The following CEP128 variants were observed in gnomAD, a reference collection of about 807,000 sequenced individuals.
CEP128 encodes the protein centrosomal protein 128kDa.
A neutral mutation model predicts 156.7 loss-of-function variants in CEP128; 132 were observed. The ratio of observed to expected loss-of-function variants is 0.84; its 90% CI spans 0.73 to 0.97. CEP128 has a LOEUF of 0.97. Among genes scored for constraint, CEP128 ranks in the 50% least tolerant of loss-of-function variants. The pLI is 0.00. For missense variants in CEP128, 1,252 were observed against 1,281.9 expected (o/e 0.98, Z 0.36); for synonymous variants, 469 against 448.9 (o/e 1.04, Z -0.57).
chr14:80,538,551 G>A (rs1889590918), intron 21 of CEP128, among the ~76,000 whole-genome samples: 1 of 152,032 alleles, frequency 6.6e-6, no homozygotes, highest in Non-Finnish European at 1.5e-5. Context: ...TTAACATTAT[G>A]TTTTATATTT....
intron 19 of CEP128, among the ~76,000 whole-genome samples, chr14:80,730,980 A>G (rs373421775): frequency 1.3e-5 from 2 of 152,216 alleles, no homozygotes; most frequent in Non-Finnish European, 2.9e-5. Context: ...TACAGCTATC[A>G]CAACAAAGGA....
chr14:80,683,342 T>C (rs1462510420), intron 19 of CEP128, among the ~76,000 whole-genome samples: 1 of 152,108 alleles, frequency 6.6e-6, no homozygotes, highest in African/African-American at 2.4e-5. Context: ...TGAAAGAGAC[T>C]TTAAACCAAC....
chr14:80,950,603 G>T (rs1446431879), intron 2 of CEP128, among the ~76,000 whole-genome samples: 1 of 152,014 alleles, frequency 6.6e-6, no homozygotes, highest in African/African-American at 2.4e-5. Flanking sequence ...AAGACAAAAA[G>T]AAAAATAATT....
chr14:80,629,921 A>G (rs1893894713), intron 19 of CEP128, among the ~76,000 whole-genome samples: 2 of 152,022 alleles, frequency 1.3e-5, no homozygotes, highest in South Asian at 2.1e-4. Flanking sequence ...TTGAATGTAT[A>G]TAAGTCATGT....
At chr14:80,857,215 C>CT (rs34279371) in intron 9 of CEP128, among the ~76,000 whole-genome samples, 1,639 of 137,356 alleles carry the variant, frequency 0.012, 15 homozygotes, top group South Asian at 0.019. Context: ...GTGGTTTTGG[C>CT]TTTTTTTTTT....
chr14:80,715,464 A>C (rs988318094), intron 19 of CEP128, among the ~76,000 whole-genome samples: 1 of 152,160 alleles, frequency 6.6e-6, no homozygotes, highest in Admixed American at 6.6e-5. Flanking sequence ...TATGCAATTA[A>C]AATTTTTAAG....
downstream of CEP128, among the ~76,000 whole-genome samples, chr14:80,488,412 T>C (rs148603955): frequency 7.3e-3 from 1,105 of 150,880 alleles, 4 homozygotes; most frequent in Admixed American, 0.012. Context: ...ATCAGAGAAT[T>C]GCAAATCAAA....
chr14:80,680,788 G>A (rs1595206187), intron 19 of CEP128, among the ~76,000 whole-genome samples: 1 of 152,262 alleles, frequency 6.6e-6, no homozygotes, highest in South Asian at 2.1e-4. Context: ...CTAGTTGCTT[G>A]GTGACCAGAC....
chr14:80,710,096 C>G lies in CEP128; in HGVS notation c.2806+32979G>C, dbSNP rs563378800. The stretch of plus-strand genomic sequence containing the variant: ...GAGGATACAAACAGATATTCTATAC[C>G]TACAACTATTTGCAAAATACTGCTA... On this transcript the variant is annotated intron_variant, in intron 19 of 24. Transcript: ENST00000555265. Among the ~76,000 whole-genome samples the G allele has an allele frequency of 7.9e-5, 12 of 151,878 alleles. No homozygotes were observed. The East Asian group carries it at 2.3e-3, about 29-fold the overall frequency.
chr14:80,522,259 AGC>A, intron 23 of CEP128, among the ~76,000 whole-genome samples: 1 of 152,374 alleles, frequency 6.6e-6, no homozygotes, highest in Middle Eastern at 3.4e-3. Flanking sequence ...GTACAGAAAT[AGC>A]TGACTTGAAC....
At chr14:80,665,482 A>G (rs1595176581) in intron 19 of CEP128, among the ~76,000 whole-genome samples, 1 of 152,166 alleles carries the variant, frequency 6.6e-6, no homozygotes, top group African/African-American at 2.4e-5. Context: ...CTTGTGATAG[A>G]GGTACAATCA....
intron 16 of CEP128, among the ~76,000 whole-genome samples, chr14:80,773,390 A>G (rs1329806444): frequency 6.6e-6 from 1 of 152,142 alleles, no homozygotes; most frequent in Admixed American, 6.5e-5. Context: ...CATTTATAAA[A>G]CATAAGGATG....
chr14:80,913,446 A>G (rs1480041397), intron 4 of CEP128, among the ~76,000 whole-genome samples: 1 of 152,256 alleles, frequency 6.6e-6, no homozygotes, highest in African/African-American at 2.4e-5. Flanking sequence ...AATCGCACAT[A>G]TGCTTGTAAA....
intron 19 of CEP128, 32 bp downstream of exon 19, chr14:80,743,043 C>A: frequency 6.3e-7 from 1 of 1,597,320 alleles, no homozygotes; most frequent in Non-Finnish European, 8.6e-7. Context: ...TAAATATAAA[C>A]AAAGAAAAAT....
At chr14:80,796,930 GCTCT>G (rs1883520382) in intron 13 of CEP128, among the ~76,000 whole-genome samples, 1 of 152,166 alleles carries the variant, frequency 6.6e-6, no homozygotes, top group African/African-American at 2.4e-5. Context: ...CAGGAAAGTG[GCTCT>G]CTGATGAGGG....
At chr14:80,743,911 G>A (rs553954880) in intron 18 of CEP128, among the ~76,000 whole-genome samples, 31 of 142,886 alleles carry the variant, frequency 2.2e-4, no homozygotes, top group South Asian at 8.8e-4. Flanking sequence ...TCACTCTGTC[G>A]CCCGGGATAG....
chr14:80,571,057 G>A (rs1219265871), intron 20 of CEP128, among the ~76,000 whole-genome samples: 1 of 152,158 alleles, frequency 6.6e-6, no homozygotes, highest in Non-Finnish European at 1.5e-5. Flanking sequence ...CAGGACAGCT[G>A]AAGCACATGG....
At chr14:80,768,358 C>T (rs1900346715) in intron 16 of CEP128, among the ~76,000 whole-genome samples, 1 of 152,110 alleles carries the variant, frequency 6.6e-6, no homozygotes, top group African/African-American at 2.4e-5. Flanking sequence ...TCAATAAGAT[C>T]AGCTGATGAA....
rs1454069959 is a variant in CEP128 at position 80,792,964 on chromosome 14, C to T, written c.1356G>A (p.Glu452=). 1 of 1,614,188 alleles carries T rather than the reference C, an allele frequency of 6.2e-7. No homozygotes were observed. The highest frequency in any genetic ancestry group is 8.5e-7 in the Non-Finnish European group (1 of 1,180,036). The change falls in exon 14 of 25, where the codon GAG becomes GAA. Residue 452 remains glutamate (E), a synonymous_variant. Transcript: ENST00000555265. ...ACCGCTCAGCCTGCTTGGTTGCATC[C>T]TCCGCATGGCGAGTCAGCTCTGAGA... is the stretch of plus-strand genomic sequence containing the variant. ...LQISELTRHA[E]DATKQAERYL... is the part of the protein sequence containing the mutation.
Sources: gnomAD v4.1 joint callset for allele counts (sites outside exome capture counted in the v4.1 genomes callset) on GRCh38, gnomAD v4.1.1 for gene constraint, MANE v1.5 for transcripts, NCBI Gene and HGNC (gene_info 2026-07-23, HGNC 2026-07-21) for gene names.